DPYD: variants seen among roughly 807,000 people sequenced by gnomAD.
DPYD encodes dihydropyrimidine dehydrogenase.
DPYD carries 109 observed loss-of-function variants against 116.2 expected under a neutral mutation model. That is an observed-to-expected ratio of 0.94 (90% CI 0.80 to 1.10). The LOEUF (loss-of-function observed/expected upper bound fraction) is 1.10, where lower values mean the gene tolerates loss of function less well. Ranked by LOEUF, DPYD falls within the 50% of genes least tolerant of loss-of-function variation. The pLI is 0.00. For synonymous variants in DPYD, 440 were observed against 432.0 expected (o/e 1.02, Z -0.23); for missense variants, 1,302 against 1,254.5 (o/e 1.04, Z -0.57).
At chr1:97,112,994 C>T (rs142129740) in intron 20 of DPYD, among the ~76,000 whole-genome samples, 40 of 152,186 alleles carry the variant, frequency 2.6e-4, no homozygotes, top group African/African-American at 8.4e-4. Context: ...TCGCAAACCC[C>T]AATAACTTTT....
intron 18 of DPYD, among the ~76,000 whole-genome samples, chr1:97,260,181 T>C (rs1301289279): frequency 2.0e-5 from 3 of 152,068 alleles, no homozygotes. Context: ...GCTTGTAAAA[T>C]GGTAATAATA....
chr1:97,798,448 C>G (rs1271925118), intron 3 of DPYD, among the ~76,000 whole-genome samples: 2 of 151,900 alleles, frequency 1.3e-5, no homozygotes, highest in Non-Finnish European at 2.9e-5. Context: ...CAGTGTATGA[C>G]CATGGGCAAA....
chr1:97,210,512 A>G (rs2101869577), intron 19 of DPYD, among the ~76,000 whole-genome samples: 1 of 152,248 alleles, frequency 6.6e-6, no homozygotes, highest in South Asian at 2.1e-4. Context: ...TCCCCTTAGC[A>G]TCTGTCCACA....
chr1:97,341,527 C>G (rs963200818), intron 16 of DPYD, among the ~76,000 whole-genome samples: 1 of 152,052 alleles, frequency 6.6e-6, no homozygotes, highest in Non-Finnish European at 1.5e-5. Flanking sequence ...TGAACAGAGA[C>G]CACACCATTA....
chr1:97,206,680 AT>A lies in DPYD; in HGVS notation c.2443-13433del, dbSNP rs1557938270. ...TATATATATATATATATATATATAT[AT>A]ATATATAATCTATATGCTTATAATG... On this transcript the variant is annotated intron_variant, in intron 19 of 22. Coordinates refer to ENST00000370192, the MANE Select transcript of DPYD (RefSeq NM_000110.4). Among the ~76,000 whole-genome samples, 398 of 87,314 alleles carry A rather than the reference AT, an allele frequency of 4.6e-3. 22 individuals carry two copies. Among genetic ancestry groups the A allele is most frequent in the East Asian group, 0.039 (54 of 1,374 alleles). 57.3% of individuals were successfully genotyped at this position (87,314 alleles called of 152,430 possible). A position where few individuals can be genotyped will look rare whatever the true frequency, so the allele number is the denominator to read the frequency against.
chr1:97,207,282 T>C (rs4128473), intron 19 of DPYD, among the ~76,000 whole-genome samples: 32,929 of 152,102 alleles, frequency 0.22, 4,761 homozygotes, highest in African/African-American at 0.41. Context: ...TACTTTTCTC[T>C]CAACTTTTGC....
chr1:97,654,978 A>T (rs1434263082), intron 8 of DPYD, among the ~76,000 whole-genome samples: 1 of 152,152 alleles, frequency 6.6e-6, no homozygotes, highest in Non-Finnish European at 1.5e-5. Flanking sequence ...TGTGAGACTT[A>T]TTCATAACCA....
intron 20 of DPYD, among the ~76,000 whole-genome samples, chr1:97,181,819 TA>T (rs1344710066): frequency 6.6e-6 from 1 of 152,160 alleles, no homozygotes; most frequent in Non-Finnish European, 1.5e-5. Flanking sequence ...CGAATAGTTA[TA>T]ATAACAACCA....
At chr1:97,514,718 T>C (rs1417047714) in intron 13 of DPYD, among the ~76,000 whole-genome samples, 1 of 151,864 alleles carries the variant, frequency 6.6e-6, no homozygotes. Context: ...GCACTGTTTT[T>C]TTTTCTGACT....
intron 20 of DPYD, among the ~76,000 whole-genome samples, chr1:97,109,560 A>C (rs983131112): frequency 6.6e-6 from 1 of 152,132 alleles, no homozygotes; most frequent in Non-Finnish European, 1.5e-5. Flanking sequence ...ATGGAGTAAA[A>C]AAGCATACAG....
At chr1:97,623,739 G>C (rs570153483) in intron 8 of DPYD, among the ~76,000 whole-genome samples, 33 of 151,694 alleles carry the variant, frequency 2.2e-4, no homozygotes, top group African/African-American at 7.0e-4. Flanking sequence ...ATACAACAAA[G>C]CTAGAGTAAT....
chr1:97,748,698 G>A (rs75302628), intron 3 of DPYD, among the ~76,000 whole-genome samples: 1,616 of 152,262 alleles, frequency 0.011, 15 homozygotes, highest in Non-Finnish European at 0.018. Context: ...GCTCATACGC[G>A]TTTAAGAAAC....
chr1:97,565,858 A>G (rs1652481428), intron 11 of DPYD, among the ~76,000 whole-genome samples: 1 of 152,214 alleles, frequency 6.6e-6, no homozygotes, highest in Non-Finnish European at 1.5e-5. Flanking sequence ...TCATAAAATA[A>G]AAAGTTCTAT....
chr1:97,882,269 T>C (rs1448908986), intron 2 of DPYD, among the ~76,000 whole-genome samples: 1 of 152,050 alleles, frequency 6.6e-6, no homozygotes, highest in Admixed American at 6.6e-5. Flanking sequence ...TCTTTTCATG[T>C]AACATTGTTT....
At chr1:97,363,594 C>T (rs1039671631) in intron 16 of DPYD, among the ~76,000 whole-genome samples, 3 of 152,182 alleles carry the variant, frequency 2.0e-5, no homozygotes, top group South Asian at 2.1e-4. Context: ...AAATGTGGCA[C>T]ATATACACCA....
At chr1:97,190,414 C>T (rs76992574) in intron 20 of DPYD, among the ~76,000 whole-genome samples, 1 of 152,266 alleles carries the variant, frequency 6.6e-6, no homozygotes, top group African/African-American at 2.4e-5. Context: ...ATTCTCAACA[C>T]ACCTCTTACC....
At chr1:97,782,582 A>G (rs1298619865) in intron 3 of DPYD, among the ~76,000 whole-genome samples, 2 of 152,180 alleles carry the variant, frequency 1.3e-5, no homozygotes, top group Non-Finnish European at 2.9e-5. Context: ...ACTGTATTCT[A>G]ATTTTATTCA....
At chr1:97,526,998 C>T (rs1268359657) in intron 12 of DPYD, among the ~76,000 whole-genome samples, 4 of 152,006 alleles carry the variant, frequency 2.6e-5, no homozygotes, top group African/African-American at 9.6e-5. Context: ...ACTGCTTGTC[C>T]AAAGATTAAT....
At chr1:97,679,067 T>G in intron 8 of DPYD, 28 bp downstream of exon 8, 1 of 1,074,762 alleles carries the variant, frequency 9.3e-7, no homozygotes, top group South Asian at 1.9e-5. Flanking sequence ...ACATTATAAA[T>G]AAATATATTT....
Sources: allele counts gnomAD v4.1 joint callset (sites outside exome capture counted in the v4.1 genomes callset), GRCh38; gene constraint gnomAD v4.1.1; transcripts MANE v1.5; gene names NCBI Gene and HGNC (gene_info 2026-07-23, HGNC 2026-07-21).